The following NPIPB2 variants were observed in gnomAD, a reference collection of about 807,000 sequenced individuals.
NPIPB2 encodes the protein nuclear pore complex interacting protein family member B2, also known as nuclear pore complex-interacting protein family member B2.
NPIPB2 carries 27 observed loss-of-function variants against 30.8 expected under a neutral mutation model. The observed-to-expected ratio is 0.88, with a 90% CI of 0.65 to 1.21. The LOEUF is 1.21. Among genes scored for constraint, NPIPB2 ranks in the 50% most tolerant of loss-of-function variants. NPIPB2 has a pLI of 0.00. For synonymous variants in NPIPB2, 147 were observed against 162.0 expected (o/e 0.91, Z 0.70); for missense variants, 440 against 446.2 (o/e 0.99, Z 0.13).
At chr16:11,962,631 C>CAAAAAAAAAAAAAAAA (rs910336057) in intron 1 of NPIPB2, among the ~76,000 whole-genome samples, 1 of 117,508 alleles carries the variant, frequency 8.5e-6, no homozygotes, top group African/African-American at 3.0e-5. Context: ...AAAAAAAAAC[C>CAAAAAAAAAAAAAAAA]AAAAAAAAAG....
intron 4 of NPIPB2, 85 bp downstream of exon 4, chr16:11,933,432 G>A (rs2150909872): frequency 6.4e-7 from 1 of 1,571,136 alleles, no homozygotes; most frequent in East Asian, 2.2e-5. Flanking sequence ...AAATATTGTA[G>A]AAAATATTCT....
chr16:11,943,248 G>A (rs1412487499), upstream of NPIPB2, among the ~76,000 whole-genome samples: 1 of 152,182 alleles, frequency 6.6e-6, no homozygotes, highest in Non-Finnish European at 1.5e-5. Context: ...GAACCCGGGA[G>A]GCAGAGTTTG....
chr16:11,936,431 G>A (rs2054870047), intron 2 of NPIPB2, among the ~76,000 whole-genome samples: 1 of 148,342 alleles, frequency 6.7e-6, no homozygotes, highest in Non-Finnish European at 1.5e-5. Context: ...TATATTTTCT[G>A]TTTTCTACAT....
chr16:11,951,657 CACACACA>C (rs1373046084), intron 1 of NPIPB2, among the ~76,000 whole-genome samples: 7 of 148,576 alleles, frequency 4.7e-5, no homozygotes, highest in South Asian at 4.6e-4. Flanking sequence ...CACACACACA[CACACACA>C]CACCCAGCCC....
chr16:11,964,999 C>T, intron 1 of NPIPB2: 1 of 388,126 alleles, frequency 2.6e-6, no homozygotes, highest in Non-Finnish European at 4.7e-6. Flanking sequence ...GTGGGCTTGT[C>T]TGCATCTTGC....
upstream of NPIPB2, among the ~76,000 whole-genome samples, chr16:11,944,733 CAAAAA>C (rs56283093): frequency 1.1e-3 from 53 of 46,122 alleles, no homozygotes; most frequent in East Asian, 0.017. Flanking sequence ...GACTCCGTGT[CAAAAA>C]AAAAAAAAAA....
intron 1 of NPIPB2, among the ~76,000 whole-genome samples, chr16:11,951,598 G>C (rs1337676378): frequency 7.1e-6 from 1 of 140,066 alleles, no homozygotes; most frequent in African/African-American, 2.8e-5. Flanking sequence ...CACTGGCACT[G>C]ATACAGATGG....
intron 1 of NPIPB2, among the ~76,000 whole-genome samples, chr16:11,962,713 C>T (rs1173697529): frequency 6.6e-6 from 1 of 151,474 alleles, no homozygotes. Context: ...ACTTACTTTT[C>T]ATTGAAAAAT....
intron 1 of NPIPB2, among the ~76,000 whole-genome samples, chr16:11,956,495 G>A (rs138270055): frequency 6.6e-6 from 1 of 152,234 alleles, no homozygotes; most frequent in African/African-American, 2.4e-5. Flanking sequence ...GACCAACATG[G>A]TGAAACCCCA....
At chr16:11,965,605 G>A in intron 1 of NPIPB2, 1 of 801,622 alleles carries the variant, frequency 1.2e-6, no homozygotes, top group Non-Finnish European at 1.9e-6. Flanking sequence ...TAATGTTTAT[G>A]GAAACAAAGT....
At chr16:11,971,101 C>T (rs891660813) in intron 1 of NPIPB2, among the ~76,000 whole-genome samples, 6 of 151,726 alleles carry the variant, frequency 4.0e-5, no homozygotes, top group African/African-American at 1.5e-4. Context: ...AAGCGATCCT[C>T]CGACCTTGGC....
At chr16:11,962,865 G>A (rs138691765) in intron 1 of NPIPB2, among the ~76,000 whole-genome samples, 47 of 152,120 alleles carry the variant, frequency 3.1e-4, no homozygotes, top group African/African-American at 1.1e-3. Context: ...TCAGGAGACT[G>A]AGACCATTCT....
chr16:11,943,205 C>A (rs1286166084), upstream of NPIPB2, among the ~76,000 whole-genome samples: 1 of 151,868 alleles, frequency 6.6e-6, no homozygotes, highest in Non-Finnish European at 1.5e-5. Flanking sequence ...TGTAGTCCCA[C>A]CTACTTGGGA....
chr16:11,975,963 A>G (rs2055288311), intron 1 of NPIPB2, among the ~76,000 whole-genome samples: 6 of 151,552 alleles, frequency 4.0e-5, no homozygotes. Flanking sequence ...TTTCTTTGGT[A>G]GAGAACGGCG....
At chr16:11,975,937 C>G (rs1295388187) in intron 1 of NPIPB2, among the ~76,000 whole-genome samples, 1 of 151,666 alleles carries the variant, frequency 6.6e-6, no homozygotes, top group Non-Finnish European at 1.5e-5. Context: ...TATCACTCCT[C>G]TGCTTGAGTC....
At chr16:11,972,303 C>T (rs1002227622) in intron 1 of NPIPB2, among the ~76,000 whole-genome samples, 13 of 151,960 alleles carry the variant, frequency 8.6e-5, no homozygotes, top group Admixed American at 8.5e-4. Flanking sequence ...GGGCTGGATG[C>T]CGCGGCTCAC....
chr16:11,962,484 T>A (rs2055160639), intron 1 of NPIPB2, among the ~76,000 whole-genome samples: 2 of 151,340 alleles, frequency 1.3e-5, no homozygotes, highest in East Asian at 1.9e-4. Flanking sequence ...TGGTGGTGGG[T>A]GCCTGTAGTC....
At chr16:11,961,280 A>G (rs1314208149) in intron 1 of NPIPB2, among the ~76,000 whole-genome samples, 1 of 152,056 alleles carries the variant, frequency 6.6e-6, no homozygotes, top group Non-Finnish European at 1.5e-5. Context: ...CTCCTGGGCC[A>G]GCTGCTTCAG....
At chr16:11,935,713 T>C (rs1267198763) in intron 2 of NPIPB2, among the ~76,000 whole-genome samples, 1 of 147,554 alleles carries the variant, frequency 6.8e-6, no homozygotes, top group African/African-American at 2.5e-5. Context: ...AGAGAAGCAA[T>C]GGGTAATCTA....
Sources: gnomAD v4.1 joint callset for allele counts (sites outside exome capture counted in the v4.1 genomes callset) on GRCh38, gnomAD v4.1.1 for gene constraint, MANE v1.5 for transcripts, NCBI Gene and HGNC (gene_info 2026-07-23, HGNC 2026-07-21) for gene names.